C2orf72: variants seen among roughly 807,000 people sequenced by gnomAD.
C2orf72 encodes the protein chromosome 2 open reading frame 72, also known as uncharacterized protein C2orf72.
Under a neutral mutation model 14.4 loss-of-function variants are expected in C2orf72, and 16 were observed. The ratio of observed to expected loss-of-function variants is 1.11; its 90% CI spans 0.75 to 1.69. C2orf72 has a LOEUF of 1.69. Among genes scored for constraint, C2orf72 ranks in the 40% most tolerant of loss-of-function variants. The pLI is 0.00. For missense variants in C2orf72, 371 were observed against 358.3 expected (o/e 1.04, Z -0.29); for synonymous variants, 168 against 176.8 (o/e 0.95, Z 0.40).
At chr2:231,045,577 T>TG (rs1276474513) in intron 2 of C2orf72, among the ~76,000 whole-genome samples, 1 of 145,746 alleles carries the variant, frequency 6.9e-6, no homozygotes, top group Non-Finnish European at 1.5e-5. Flanking sequence ...CACTGTGCAG[T>TG]GGCACGTCTT....
chr2:231,037,631 G>A lies in C2orf72; in HGVS notation c.66G>A (p.Ala22=), dbSNP rs1213685619. ...GCCCTGCCGAGCCGCCCTTCCAGGC[G>A]TTGGTGGAAGCGGCGGGGGGCCGCG... is the stretch of plus-strand genomic sequence containing the variant. ...LARPAEPPFQ[A]LVEAAGGRGQ... Residue 22 remains alanine, a synonymous_variant, in exon 1 of 3, where the codon GCG becomes GCA. Coordinates refer to ENST00000373640, the MANE Select transcript of C2orf72 (RefSeq NM_001144994.2). 1.8e-6 allele frequency: 2 copies of A among 1,117,326 alleles called. No individual in the cohort carries two copies. The highest frequency in any genetic ancestry group is 4.5e-5 in the Admixed American group (1 of 22,118). The allele number at this position is 1,117,326 out of a possible 1,614,324, so 69.2% of individuals were successfully genotyped here. A position where few individuals can be genotyped will look rare whatever the true frequency, so the allele number is the denominator to read the frequency against.
chr2:231,047,829 C>T lies in C2orf72; in HGVS notation c.*808C>T, dbSNP rs779363339. The T allele has an allele frequency of 2.0e-5, 3 of 152,956 alleles. No homozygotes were observed. The highest frequency in any genetic ancestry group is 6.5e-5 in the Admixed American group (1 of 15,356). 9.5% of individuals were successfully genotyped at this position (152,956 alleles called of 1,614,324 possible). A position where few individuals can be genotyped will look rare whatever the true frequency, so the allele number is the denominator to read the frequency against. The stretch of plus-strand genomic sequence containing the variant: ...GGGGCTTGTCGGGCCAGGGCCAAGA[C>T]GGTCTGCGTGCTGCAGGGCCAGGAC... On this transcript the variant is annotated 3_prime_UTR_variant, in exon 3 of 3. Coordinates refer to ENST00000373640, the MANE Select transcript of C2orf72 (RefSeq NM_001144994.2).
At position 231,048,883 on chromosome 2, in the gene C2orf72, A is replaced by T. The variant is rs1304885817; in HGVS notation, c.*1862A>T. On this transcript the variant is annotated 3_prime_UTR_variant, in exon 3 of 3. Transcript: ENST00000373640. ...ATTTTTGAAGCTGCTATCATTTTCT[A>T]TTTCTTTATTAATTTCTTTGTAATC... is the stretch of plus-strand genomic sequence containing the variant. The T allele has an allele frequency of 1.3e-5, 2 of 152,050 alleles. No homozygotes were observed. Among genetic ancestry groups the T allele is most frequent in the African/African-American group, 4.8e-5 (2 of 41,412 alleles). 9.4% of individuals were successfully genotyped at this position (152,050 alleles called of 1,614,324 possible).
In C2orf72 at chr2:231,038,072, C is replaced by T; in HGVS notation, c.507C>T (p.Ala169=). The T allele has an allele frequency of 3.5e-6, 4 of 1,131,738 alleles. No individual in the cohort carries two copies. Among genetic ancestry groups the T allele is most frequent in the South Asian group, 4.3e-5 (1 of 23,460 alleles). 70.1% of individuals were successfully genotyped at this position (1,131,738 alleles called of 1,614,324 possible). A position where few individuals can be genotyped will look rare whatever the true frequency, so the allele number is the denominator to read the frequency against. The change falls in exon 1 of 3, where the codon GCC becomes GCT. Residue 169 remains alanine (A), a synonymous_variant. Transcript: ENST00000373640. ...GGCTGCTGGAGGCGCTGTTGCGCGC[C>T]GTGTTCGGCCGCCAGGCGGGGGGGC... ...GLRLLEALLR[A]VFGRQAGGPV...
In C2orf72 at chr2:231,049,703, T is replaced by C. The variant is rs1339562328; in HGVS notation, c.*2682T>C. ...AAAACCAAGAAGTACCTCGTTGATA[T>C]CTTATAGAAAACAAAATGGATCTTC... On this transcript the variant is annotated 3_prime_UTR_variant, in exon 3 of 3. Coordinates refer to ENST00000373640, the MANE Select transcript of C2orf72 (RefSeq NM_001144994.2). 6.6e-6 allele frequency: 1 copy of C among 150,446 alleles called. No homozygotes were observed. The highest frequency in any genetic ancestry group is 2.5e-5 in the African/African-American group (1 of 39,808). The allele number at this position is 150,446 out of a possible 1,614,324, so 9.3% of individuals were successfully genotyped here.
intron 1 of C2orf72, among the ~76,000 whole-genome samples, chr2:231,038,787 GACTAAGAGT>G (rs1693297182): frequency 6.6e-6 from 1 of 152,000 alleles, no homozygotes; most frequent in Admixed American, 6.5e-5. Context: ...AGGTGAGAGG[GACTAAGAGT>G]ACATTTTCTA....
rs1239938502 is a variant in C2orf72 at position 231,048,893 on chromosome 2, T to G, written c.*1872T>G. 5 of 152,252 alleles carry G rather than the reference T, an allele frequency of 3.3e-5. No individual in the cohort carries two copies. The highest frequency in any genetic ancestry group is 7.3e-5 in the Non-Finnish European group (5 of 68,048). The allele number at this position is 152,252 out of a possible 1,614,324, so 9.4% of individuals were successfully genotyped here. A position where few individuals can be genotyped will look rare whatever the true frequency, so the allele number is the denominator to read the frequency against. On this transcript the variant is annotated 3_prime_UTR_variant, in exon 3 of 3. Coordinates refer to ENST00000373640, the MANE Select transcript of C2orf72 (RefSeq NM_001144994.2). ...CTGCTATCATTTTCTATTTCTTTATTAATTTCTTTGTAATCATCTTATTAA... is the reference window on the plus strand; with the variant it reads ...CTGCTATCATTTTCTATTTCTTTATGAATTTCTTTGTAATCATCTTATTAA...
At position 231,041,330 on chromosome 2, in the gene C2orf72, A is replaced by G. The variant is rs1693336799; in HGVS notation, c.669A>G (p.Gly223=). The G allele has an allele frequency of 6.4e-7, 1 of 1,551,452 alleles. No individual in the cohort carries two copies. Among genetic ancestry groups the G allele is most frequent in the East Asian group, 2.4e-5 (1 of 40,904 alleles). The part of the protein sequence containing the change: ...EGAWERPGLP[G]LLACFSWGPW... The stretch of plus-strand genomic sequence containing the variant: ...CCTGGGAGAGGCCAGGCCTCCCCGG[A>G]CTGCTAGCCTGCTTTTCCTGGGGTC... The change falls in exon 2 of 3, where the codon GGA becomes GGG. Residue 223 remains glycine (G), a synonymous_variant. Coordinates refer to ENST00000373640, the MANE Select transcript of C2orf72 (RefSeq NM_001144994.2).
intron 2 of C2orf72, among the ~76,000 whole-genome samples, chr2:231,045,524 T>C (rs1400816819): frequency 1.4e-5 from 2 of 139,934 alleles, no homozygotes; most frequent in African/African-American, 5.4e-5. Flanking sequence ...TTTTTTTTTT[T>C]TTTTTTTTTT....
At position 231,038,301 on chromosome 2, in the gene C2orf72, A is replaced by T. The variant is rs963542331; in HGVS notation, c.634+102A>T. 2.5e-5 allele frequency: 24 copies of T among 944,778 alleles called. No homozygotes were observed. The African/African-American group carries it at 4.2e-4, about 17-fold the overall frequency. 58.5% of individuals were successfully genotyped at this position (944,778 alleles called of 1,614,324 possible). Reference sequence around the variant, plus strand: ...CATTCCCTTATTGAGCACCGAGGTAAACTGAGGCTCAGAGCAGGGAGGTGC... The same window carrying T: ...CATTCCCTTATTGAGCACCGAGGTATACTGAGGCTCAGAGCAGGGAGGTGC... On this transcript the variant is annotated intron_variant, in intron 1 of 2. Coordinates refer to ENST00000373640, the MANE Select transcript of C2orf72 (RefSeq NM_001144994.2).
intron 2 of C2orf72, among the ~76,000 whole-genome samples, chr2:231,044,945 T>TTTTATATATATATATA (rs1553555571): frequency 7.1e-6 from 1 of 141,668 alleles, no homozygotes; most frequent in Non-Finnish European, 1.5e-5. Flanking sequence ...ATATATATCT[T>TTTTATATATATATATA]TATATATATA....
chr2:231,047,038 C>T lies in C2orf72; in HGVS notation c.*17C>T, dbSNP rs73089555. The T allele has an allele frequency of 4.1e-3, 6,363 of 1,551,630 alleles. 220 individuals are homozygous for T. The African/African-American group carries it at 0.074, about 18-fold the overall frequency. On this transcript the variant is annotated 3_prime_UTR_variant, in exon 3 of 3. Coordinates refer to ENST00000373640, the MANE Select transcript of C2orf72 (RefSeq NM_001144994.2). ...TCAAGATGAAGGCTGGACCCTTGCGCTGTCCCTGGCTCTAACCTACAGACT... is the reference window on the plus strand; with the variant it reads ...TCAAGATGAAGGCTGGACCCTTGCGTTGTCCCTGGCTCTAACCTACAGACT...
At chr2:231,045,390 G>A (rs1489303128) in intron 2 of C2orf72, among the ~76,000 whole-genome samples, 1 of 151,928 alleles carries the variant, frequency 6.6e-6, no homozygotes, top group African/African-American at 2.4e-5. Flanking sequence ...TACATGACTG[G>A]CAGCGAGTTA....
rs538917825 is a variant in C2orf72 at position 231,046,549 on chromosome 2, G to A, written c.749-333G>A. ...GTCCAGAGATGGAGTCGGCTTCAGA[G>A]TTGGTTGATTCAGGGGCTCAGGGAC... On this transcript the variant is annotated intron_variant, in intron 2 of 2. Coordinates refer to ENST00000373640, the MANE Select transcript of C2orf72 (RefSeq NM_001144994.2). 7.2e-5 allele frequency among the ~76,000 whole-genome samples: 11 copies of A among 152,176 alleles called. No homozygotes were observed. In the South Asian group the frequency reaches 1.0e-3, roughly 14 times the overall value.
rs1461135684 is a variant in C2orf72 at position 231,041,281 on chromosome 2, T to C, written c.635-15T>C. On this transcript the variant is annotated splice_polypyrimidine_tract_variant and intron_variant, in intron 1 of 2. Coordinates refer to ENST00000373640, the MANE Select transcript of C2orf72 (RefSeq NM_001144994.2). Reference sequence around the variant, plus strand: ...ACCATGTGACCCTCTGACTCAGGTTTTGTGTTCTTCCTAGTGGAAGGAGCC... The same window carrying C: ...ACCATGTGACCCTCTGACTCAGGTTCTGTGTTCTTCCTAGTGGAAGGAGCC... The C allele has an allele frequency of 1.3e-6, 2 of 1,538,192 alleles. No individual in the cohort carries two copies. The highest frequency in any genetic ancestry group is 2.8e-5 in the African/African-American group (2 of 72,490).
chr2:231,046,744 C>T (rs905968070), intron 2 of C2orf72, 138 bp from the exon 3 acceptor site: 15 of 832,886 alleles, frequency 1.8e-5, no homozygotes, highest in South Asian at 1.3e-4. Context: ...GTGTGTACAT[C>T]GTTAAGGTTT....
At chr2:231,044,265 G>T (rs1197115681) in intron 2 of C2orf72, among the ~76,000 whole-genome samples, 3 of 152,128 alleles carry the variant, frequency 2.0e-5, no homozygotes, top group Admixed American at 1.3e-4. Flanking sequence ...GTACACTTAG[G>T]CTACACTACA....
Position 231,037,619 on chromosome 2 carries a change from G to A in C2orf72, c.54G>A (p.Pro18=), listed in dbSNP as rs558966839. The A allele has an allele frequency of 1.5e-5, 16 of 1,100,834 alleles. 1 individual carries two copies. The East Asian group carries it at 1.1e-3, about 78-fold the overall frequency. 68.2% of individuals were successfully genotyped at this position (1,100,834 alleles called of 1,614,324 possible). A position where few individuals can be genotyped will look rare whatever the true frequency, so the allele number is the denominator to read the frequency against. Reference sequence around the variant, plus strand: ...CCCGGCTTGCGCGCCCTGCCGAGCCGCCCTTCCAGGCGTTGGTGGAAGCGG... The same window carrying A: ...CCCGGCTTGCGCGCCCTGCCGAGCCACCCTTCCAGGCGTTGGTGGAAGCGG... ...LAARLARPAE[P]PFQALVEAAG... is the part of the protein sequence containing the mutation. Residue 18 remains proline (P), a synonymous_variant, in exon 1 of 3, where the codon CCG becomes CCA. Transcript: ENST00000373640.
intron 2 of C2orf72, among the ~76,000 whole-genome samples, chr2:231,044,943 C>CTATATATATATATA (rs1693391993): frequency 1.1e-5 from 1 of 94,260 alleles, no homozygotes; most frequent in African/African-American, 6.4e-5. Context: ...GTATATATAT[C>CTATATATATATATA]TTTATATATA....
Sources: gnomAD v4.1 joint callset for allele counts (sites outside exome capture counted in the v4.1 genomes callset) on GRCh38, gnomAD v4.1.1 for gene constraint, MANE v1.5 for transcripts, NCBI Gene and HGNC (gene_info 2026-07-23, HGNC 2026-07-21) for gene names.